The following MBOAT4 variants were observed in gnomAD, a reference collection of about 807,000 sequenced individuals.
MBOAT4 encodes the protein membrane bound ghrelin O-acyltransferase MBOAT4.
In MBOAT4, 11 loss-of-function variants were observed where a neutral mutation model predicts 13.2. The observed-to-expected ratio is 0.84, with a 90% CI of 0.53 to 1.38. The LOEUF (loss-of-function observed/expected upper bound fraction) is 1.38, where lower values mean the gene tolerates loss of function less well. MBOAT4 is among the 40% of genes most tolerant of loss of function. The pLI, the probability that MBOAT4 is intolerant of heterozygous loss-of-function variation, is 0.00. For synonymous variants in MBOAT4, 202 were observed against 210.3 expected, an observed-to-expected ratio of 0.96 and a Z score of 0.34; for missense variants, 481 against 527.2, an observed-to-expected ratio of 0.91 and a Z score of 0.86.
At chr8:30,135,702 C>G (rs927055907) in intron 2 of MBOAT4, among the ~76,000 whole-genome samples, 4 of 151,880 alleles carry the variant, frequency 2.6e-5, no homozygotes, top group Admixed American at 6.6e-5. Flanking sequence ...TCACTTGAGC[C>G]CAGGAGTTTG....
In MBOAT4 at chr8:30,131,914, G is replaced by T; in HGVS notation, c.*29C>A. 1 of 1,524,008 alleles carries T rather than the reference G, an allele frequency of 6.6e-7. No homozygotes were observed. The highest frequency in any genetic ancestry group is 8.8e-7 in the Non-Finnish European group (1 of 1,131,350). The allele number at this position is 1,524,008 out of a possible 1,614,324, so 94.4% of individuals were successfully genotyped here. A position where few individuals can be genotyped will look rare whatever the true frequency, so the allele number is the denominator to read the frequency against. ...TGGCACTTTCTAAAATGTTTCCTGG[G>T]TGTTTAAGGTGAAAGCCAGGGAAAG... On this transcript the variant is annotated 3_prime_UTR_variant, in exon 3 of 3. Transcript: ENST00000320542.
At chr8:30,143,394 TATATATAA>T (rs1408271876) in intron 1 of MBOAT4, among the ~76,000 whole-genome samples, 55 of 3,532 alleles carry the variant, frequency 0.016, no homozygotes, top group Non-Finnish European at 0.085. Context: ...TATATATATA[TATATATAA>T]AAATAAATAA....
At chr8:30,137,638 G>A (rs981831810) in intron 2 of MBOAT4, 2 of 684,014 alleles carry the variant, frequency 2.9e-6, no homozygotes, top group Non-Finnish European at 4.9e-6. Context: ...AAAGAAGTCT[G>A]ACCTAACCAA....
chr8:30,132,789 A>G lies in MBOAT4; in HGVS notation c.462T>C (p.Ser154=). ...AASGGFRSRS[S]LSEHVCKALP... ...GTGCCTTACACACATGCTCAGACAA[A>G]GAGCTCCTGCTCCTGAAGCCTCCAG... is the stretch of plus-strand genomic sequence containing the variant. The change falls in exon 3 of 3, where the codon TCT becomes TCC. Residue 154 remains serine, a synonymous_variant. Transcript: ENST00000320542. 6.4e-7 allele frequency: 1 copy of G among 1,551,762 alleles called. No individual in the cohort carries two copies. The highest frequency in any genetic ancestry group is 8.7e-7 in the Non-Finnish European group (1 of 1,147,006).
intron 1 of MBOAT4, among the ~76,000 whole-genome samples, chr8:30,143,308 A>G (rs2117552949): frequency 6.8e-6 from 1 of 147,026 alleles, no homozygotes; most frequent in South Asian, 2.2e-4. Context: ...AGATCGTGCC[A>G]CTGCACTCCA....
At chr8:30,135,086 T>C (rs777120815) in intron 2 of MBOAT4, among the ~76,000 whole-genome samples, 33 of 151,174 alleles carry the variant, frequency 2.2e-4, no homozygotes, top group Middle Eastern at 3.4e-3. Context: ...GAGATGGGAT[T>C]TCACTATGTT....
At chr8:30,140,372 G>A (rs1803242867) in intron 1 of MBOAT4, among the ~76,000 whole-genome samples, 1 of 152,008 alleles carries the variant, frequency 6.6e-6, no homozygotes, top group Admixed American at 6.5e-5. Flanking sequence ...ACAGGCATAA[G>A]CCATCGCGCC....
At chr8:30,143,534 A>G (rs1180630009) in intron 1 of MBOAT4, among the ~76,000 whole-genome samples, 6 of 152,154 alleles carry the variant, frequency 3.9e-5, no homozygotes, top group Admixed American at 2.6e-4. Context: ...TGTTAAAAAC[A>G]TAAAATCTTA....
In MBOAT4 at chr8:30,138,590, A is replaced by G; in HGVS notation, c.286T>C (p.Leu96=). 1.3e-6 allele frequency: 2 copies of G among 1,551,556 alleles called. No homozygotes were observed. Among genetic ancestry groups the G allele is most frequent in the East Asian group, 4.9e-5 (2 of 40,922 alleles). The change falls in exon 2 of 3, where the codon TTG becomes CTG. Residue 96 remains leucine, a synonymous_variant. Transcript: ENST00000320542. The part of the protein sequence containing the change: ...TFCFQMSWQT[L]CHLGLHYTEY... ...GTGTAGTGCAGACCTAGGTGACACAAGGTCTGCCAGCTCATCTGAAAGCAG... is the reference window on the plus strand; with the variant it reads ...GTGTAGTGCAGACCTAGGTGACACAGGGTCTGCCAGCTCATCTGAAAGCAG...
chr8:30,137,380 C>T (rs1803171427), intron 2 of MBOAT4: 7 of 1,551,696 alleles, frequency 4.5e-6, no homozygotes, highest in Non-Finnish European at 6.1e-6. Flanking sequence ...AAGATTGTTA[C>T]CTGCAAGCAG....
intron 1 of MBOAT4, among the ~76,000 whole-genome samples, chr8:30,142,146 A>G (rs900625778): frequency 1.2e-4 from 19 of 152,244 alleles, no homozygotes; most frequent in African/African-American, 4.3e-4. Context: ...TAGCGATTGC[A>G]TATTTCATTC....
intron 2 of MBOAT4, among the ~76,000 whole-genome samples, chr8:30,135,666 T>G (rs1803123983): frequency 6.6e-6 from 1 of 152,082 alleles, no homozygotes; most frequent in South Asian, 2.1e-4. Context: ...CCCAGCACTT[T>G]GGGAGGCTGA....
intron 1 of MBOAT4, among the ~76,000 whole-genome samples, chr8:30,142,125 A>G (rs1803272072): frequency 6.6e-6 from 1 of 152,198 alleles, no homozygotes; most frequent in Non-Finnish European, 1.5e-5. Context: ...GTGACTTAGC[A>G]ATGTGTGACT....
At chr8:30,142,323 C>T (rs1038019590) in intron 1 of MBOAT4, among the ~76,000 whole-genome samples, 1 of 152,126 alleles carries the variant, frequency 6.6e-6, no homozygotes, top group African/African-American at 2.4e-5. Context: ...AGTCAAGACT[C>T]AACAGGCTGA....
chr8:30,141,452 T>C (rs1803258590), intron 1 of MBOAT4, among the ~76,000 whole-genome samples: 2 of 151,882 alleles, frequency 1.3e-5, no homozygotes, highest in African/African-American at 4.8e-5. Flanking sequence ...CTGGCTAACA[T>C]GGTGAAACCC....
At chr8:30,132,942 C>T in intron 2 of MBOAT4, 36 bp from the exon 3 acceptor site, 1 of 1,474,232 alleles carries the variant, frequency 6.8e-7, no homozygotes, top group East Asian at 2.5e-5. Flanking sequence ...TAAAAACACT[C>T]TGTATTTATT....
chr8:30,142,818 A>C (rs1803283719), intron 1 of MBOAT4, among the ~76,000 whole-genome samples: 1 of 152,234 alleles, frequency 6.6e-6, no homozygotes, highest in Non-Finnish European at 1.5e-5. Flanking sequence ...GCCATGAGAC[A>C]GTTGTGAACA....
intron 2 of MBOAT4, among the ~76,000 whole-genome samples, chr8:30,133,962 T>A (rs1585483005): frequency 6.6e-6 from 1 of 152,068 alleles, no homozygotes; most frequent in African/African-American, 2.4e-5. Context: ...AACCACAACC[T>A]TGCATAACAA....
chr8:30,143,347 C>CAAAAAAAAAAAAAAAAA (rs776274086), intron 1 of MBOAT4, among the ~76,000 whole-genome samples: 4 of 143,602 alleles, frequency 2.8e-5, no homozygotes, highest in African/African-American at 8.4e-5. Context: ...GACTCCGTCT[C>CAAAAAAAAAAAAAAAAA]AAAAAAAAAA....
Sources: allele counts gnomAD v4.1 joint callset (sites outside exome capture counted in the v4.1 genomes callset), GRCh38; gene constraint gnomAD v4.1.1; transcripts MANE v1.5; gene names NCBI Gene and HGNC (gene_info 2026-07-23, HGNC 2026-07-21).